CCSER1: variants seen among roughly 807,000 people sequenced by gnomAD.
The protein encoded by CCSER1 is coiled-coil serine rich protein 1.
CCSER1 carries 41 observed loss-of-function variants against 82.0 expected under a neutral mutation model. That is an observed-to-expected ratio of 0.50 (90% confidence interval 0.39 to 0.65). CCSER1 has a LOEUF of 0.65. CCSER1 is among the 30% of genes least tolerant of loss of function. The probability of loss-of-function intolerance (pLI) is 0.00; values close to 1 mark genes in which losing one functional copy is unlikely to be tolerated. For synonymous variants in CCSER1, 414 were observed against 383.9 expected (o/e 1.08, Z -0.92); for missense variants, 1,119 against 1,064.2 (o/e 1.05, Z -0.72).
At chr4:91,246,138 A>G (rs959195922) in intron 10 of CCSER1, among the ~76,000 whole-genome samples, 1 of 152,236 alleles carries the variant, frequency 6.6e-6, no homozygotes, top group African/African-American at 2.4e-5. Context: ...TAATAAATCA[A>G]AAATAACCAC....
chr4:91,103,944 C>G (rs1725344732), intron 10 of CCSER1, among the ~76,000 whole-genome samples: 1 of 152,012 alleles, frequency 6.6e-6, no homozygotes, highest in African/African-American at 2.4e-5. Flanking sequence ...CTTTTCCTAG[C>G]AAGGAATATT....
chr4:91,336,217 T>TA (rs1290599996), intron 10 of CCSER1, among the ~76,000 whole-genome samples: 1 of 152,162 alleles, frequency 6.6e-6, no homozygotes, highest in African/African-American at 2.4e-5. Context: ...AGCATAGTTA[T>TA]ATATCTGTGT....
intron 5 of CCSER1, among the ~76,000 whole-genome samples, chr4:90,541,484 A>G (rs1406216228): frequency 2.6e-5 from 4 of 152,092 alleles, no homozygotes; most frequent in Non-Finnish European, 5.9e-5. Context: ...GGAGCAAGTT[A>G]CTTAACAACT....
intron 7 of CCSER1, among the ~76,000 whole-genome samples, chr4:90,750,029 T>G (rs1748319280): frequency 6.6e-6 from 1 of 152,208 alleles, no homozygotes; most frequent in African/African-American, 2.4e-5. Context: ...GATTTGTATT[T>G]CTCTGATGGC....
At chr4:90,947,340 G>A (rs10000079) in intron 9 of CCSER1, among the ~76,000 whole-genome samples, 15,701 of 151,930 alleles carry the variant, frequency 0.1, 1,125 homozygotes, top group African/African-American at 0.2. Context: ...ATTCCATCAT[G>A]TTTTTCAGAA....
chr4:90,310,293 A>G (rs1257679386), intron 2 of CCSER1, among the ~76,000 whole-genome samples: 1 of 152,078 alleles, frequency 6.6e-6, no homozygotes. Context: ...TAATATGGCT[A>G]CAGAAAACTT....
intron 10 of CCSER1, among the ~76,000 whole-genome samples, chr4:91,575,883 C>A (rs907544106): frequency 2.6e-5 from 4 of 151,824 alleles, no homozygotes; most frequent in African/African-American, 2.4e-5. Context: ...GAAAAGGGAA[C>A]CTTTATATAT....
At chr4:90,152,428 G>A (rs1368541439) in intron 1 of CCSER1, among the ~76,000 whole-genome samples, 2 of 152,124 alleles carry the variant, frequency 1.3e-5, no homozygotes, top group Non-Finnish European at 2.9e-5. Flanking sequence ...TGAAAATGGG[G>A]CTTGATTTTC....
chr4:90,729,067 C>T (rs779536546), intron 7 of CCSER1, among the ~76,000 whole-genome samples: 12 of 152,116 alleles, frequency 7.9e-5, no homozygotes, highest in Non-Finnish European at 1.5e-4. Context: ...AGACCTTGAG[C>T]CAGTTATTTT....
chr4:90,890,981 A>C (rs1722877057), intron 8 of CCSER1, among the ~76,000 whole-genome samples: 1 of 152,134 alleles, frequency 6.6e-6, no homozygotes, highest in Non-Finnish European at 1.5e-5. Context: ...AAGACCCATA[A>C]GAGACTATAG....
intron 6 of CCSER1, among the ~76,000 whole-genome samples, chr4:90,644,954 C>A (rs1213745548): frequency 6.6e-6 from 1 of 151,260 alleles, no homozygotes; most frequent in African/African-American, 2.4e-5. Context: ...TCGTGGCACA[C>A]ACCTGTAATC....
chr4:90,652,514 G>A (rs1430663680), intron 6 of CCSER1, among the ~76,000 whole-genome samples: 1 of 152,108 alleles, frequency 6.6e-6, no homozygotes, highest in East Asian at 1.9e-4. Context: ...TTGACATGCT[G>A]AACTGAAGAA....
At chr4:90,463,755 T>C (rs1447794562) in intron 4 of CCSER1, among the ~76,000 whole-genome samples, 13 of 152,066 alleles carry the variant, frequency 8.5e-5, no homozygotes, top group Admixed American at 7.9e-4. Flanking sequence ...ATAAATAAAA[T>C]ATAATACAAG....
At chr4:90,552,663 C>T (rs1046774407) in intron 5 of CCSER1, among the ~76,000 whole-genome samples, 5 of 151,920 alleles carry the variant, frequency 3.3e-5, no homozygotes, top group African/African-American at 1.2e-4. Flanking sequence ...TGCCGTGTTG[C>T]CCAGGCTGAT....
intron 6 of CCSER1, among the ~76,000 whole-genome samples, chr4:90,717,775 A>AC (rs1741916294): frequency 6.7e-6 from 1 of 149,898 alleles, no homozygotes; most frequent in African/African-American, 2.4e-5. Flanking sequence ...TATAGTGTAT[A>AC]TATATGTGTG....
At chr4:91,280,767 C>A (rs545936522) in intron 10 of CCSER1, among the ~76,000 whole-genome samples, 9 of 152,244 alleles carry the variant, frequency 5.9e-5, no homozygotes, top group African/African-American at 2.2e-4. Context: ...TGGGTTGCTG[C>A]CAATGGCTCA....
chr4:90,546,985 A>G (rs1443030536), intron 5 of CCSER1, among the ~76,000 whole-genome samples: 1 of 152,084 alleles, frequency 6.6e-6, no homozygotes, highest in Non-Finnish European at 1.5e-5. Context: ...TGAATATTGC[A>G]TACTTAAGGC....
rs376649875 is a variant in CCSER1 at position 91,178,279 on chromosome 4, T to A, written c.2217+92285T>A. Among the ~76,000 whole-genome samples the A allele has an allele frequency of 1.3e-4, 20 of 152,328 alleles. No individual in the cohort carries two copies. In the East Asian group the frequency reaches 2.5e-3, roughly 19 times the overall value. ...GTGTGGTGTGGTGCTGAGAAGAATG[T>A]AGATTCTGTTGATTTGGGGTGGAGA... is the stretch of plus-strand genomic sequence containing the variant. On this transcript the variant is annotated intron_variant, in intron 10 of 10. Transcript: ENST00000509176.
At chr4:90,136,364 TAAA>T (rs1364423006) in intron 1 of CCSER1, among the ~76,000 whole-genome samples, 1 of 151,952 alleles carries the variant, frequency 6.6e-6, no homozygotes, top group Non-Finnish European at 1.5e-5. Flanking sequence ...AAAGAAAAGG[TAAA>T]AAAAGAAGTG....
Sources: allele counts gnomAD v4.1 joint callset (sites outside exome capture counted in the v4.1 genomes callset), GRCh38; gene constraint gnomAD v4.1.1; transcripts MANE v1.5; gene names NCBI Gene and HGNC (gene_info 2026-07-23, HGNC 2026-07-21).